Variants in PCDHB14 observed in about 807,000 individuals in gnomAD.
PCDHB14 encodes protocadherin beta-14.
For synonymous variants in PCDHB14, 511 were observed against 441.5 expected (o/e 1.16, Z -1.97); for missense variants, 1,129 against 1,000.5 (o/e 1.13, Z -1.73).
rs1754768427 is a variant in PCDHB14 at position 141,223,753 on chromosome 5, A to G, written c.248A>G (p.Asn83Ser). ...KYLHLDLLTG[N>S]LLLNEKLDRD... ...TTGCACCTTGATTTGCTGACTGGGA[A>G]TTTGCTCCTAAATGAGAAACTAGAC... The change falls in exon 1 of 1, where the codon AAT (asparagine) becomes AGT (serine). Residue 83 changes from asparagine to serine, a missense_variant. Asn to Ser is a conservative substitution (Grantham distance 46). Transcript: ENST00000239449. The G allele has an allele frequency of 6.2e-7, 1 of 1,613,896 alleles. No homozygotes were observed. The highest frequency in any genetic ancestry group is 1.3e-5 in the African/African-American group (1 of 74,844).
chr5:141,225,211 C>A lies in PCDHB14; in HGVS notation c.1706C>A (p.Ser569Tyr), dbSNP rs782769879. 47 of 1,606,078 alleles carry A rather than the reference C, an allele frequency of 2.9e-5. No homozygotes were observed. In the South Asian group the frequency reaches 5.0e-4, roughly 17 times the overall value. ...GTGCTGTACCCGCTGCAGAACGGCTCCGCGCCCTGCACCGAGCTGGTGCCC... is the reference window on the plus strand; with the variant it reads ...GTGCTGTACCCGCTGCAGAACGGCTACGCGCCCTGCACCGAGCTGGTGCCC... The part of the protein sequence containing the change: ...PFVLYPLQNG[S>Y]APCTELVPRA... Residue 569 changes from serine (S) to tyrosine (Y), a missense_variant, in exon 1 of 1, where the codon TCC becomes TAC. Transcript: ENST00000239449.
chr5:141,223,989 G>A lies in PCDHB14; in HGVS notation c.484G>A (p.Val162Ile). The A allele has an allele frequency of 1.2e-6, 2 of 1,613,488 alleles. No homozygotes were observed. Among genetic ancestry groups the A allele is most frequent in the Non-Finnish European group, 1.7e-6 (2 of 1,179,832 alleles). The change falls in exon 1 of 1, where the codon GTC becomes ATC. Residue 162 changes from valine (V) to isoleucine (I), a missense_variant. Coordinates refer to ENST00000239449, the MANE Select transcript of PCDHB14 (RefSeq NM_018934.4). ...FLMESAQDLD[V>I]GSNSLQNYTI... is the part of the protein sequence containing the mutation. ...AATGGAGAGTGCTCAAGATTTGGAT[G>A]TCGGAAGCAACAGTCTCCAAAACTA...
Position 141,225,262 on chromosome 5 carries a change from T to C in PCDHB14, c.1757T>C (p.Val586Ala). The C allele has an allele frequency of 6.3e-7, 1 of 1,599,162 alleles. No individual in the cohort carries two copies. The highest frequency in any genetic ancestry group is 8.5e-7 in the Non-Finnish European group (1 of 1,177,002). Residue 586 changes from valine to alanine, a missense_variant, in exon 1 of 1, where the codon GTG becomes GCG. Transcript: ENST00000239449. The stretch of plus-strand genomic sequence containing the variant: ...CGGGCGGCCGAGCCGGGCTACCTGG[T>C]GACCAAGGTGGTGGCGGTGGACGGC... ...VPRAAEPGYL[V>A]TKVVAVDGDS...
At position 141,225,233 on chromosome 5, in the gene PCDHB14, G is replaced by C; in HGVS notation, c.1728G>C (p.Val576=). The part of the protein sequence containing the change: ...QNGSAPCTEL[V]PRAAEPGYLV... ...GCTCCGCGCCCTGCACCGAGCTGGT[G>C]CCCCGGGCGGCCGAGCCGGGCTACC... The change falls in exon 1 of 1, where the codon GTG becomes GTC. Residue 576 remains valine (V), a synonymous_variant. Transcript: ENST00000239449. 2 of 1,601,158 alleles carry C rather than the reference G, an allele frequency of 1.2e-6. No individual in the cohort carries two copies. The highest frequency in any genetic ancestry group is 1.7e-6 in the Non-Finnish European group (2 of 1,177,258).
At position 141,224,203 on chromosome 5, in the gene PCDHB14, T is replaced by C. The variant is rs781850330; in HGVS notation, c.698T>C (p.Leu233Ser). Residue 233 changes from leucine (L) to serine (S), a missense_variant, in exon 1 of 1, where the codon TTG becomes TCG. Transcript: ENST00000239449. ...SGTTLVLIKV[L>S]DINDNAPEFP... is the part of the protein sequence containing the mutation. ...ACAACTTTGGTTCTCATCAAGGTGTTGGACATCAATGATAATGCCCCTGAG... is the reference window on the plus strand; with the variant it reads ...ACAACTTTGGTTCTCATCAAGGTGTCGGACATCAATGATAATGCCCCTGAG... The C allele has an allele frequency of 1.2e-6, 2 of 1,613,992 alleles. No homozygotes were observed. The highest frequency in any genetic ancestry group is 1.7e-6 in the Non-Finnish European group (2 of 1,179,944).
chr5:141,224,013 T>A lies in PCDHB14; in HGVS notation c.508T>A (p.Tyr170Asn), dbSNP rs782479300. 40 of 1,613,582 alleles carry A rather than the reference T, an allele frequency of 2.5e-5. No homozygotes were observed. Among genetic ancestry groups the A allele is most frequent in the Non-Finnish European group, 3.3e-5 (39 of 1,179,810 alleles). Residue 170 changes from tyrosine (Y) to asparagine (N), a missense_variant, in exon 1 of 1, where the codon TAC (tyrosine) becomes AAC (asparagine). Tyr to Asn is a moderately radical substitution (Grantham distance 143). Transcript: ENST00000239449. ...TGTCGGAAGCAACAGTCTCCAAAAC[T>A]ACACAATTAGCCCCAATTCTCACTT... ...LDVGSNSLQN[Y>N]TISPNSHFYI...
chr5:141,224,958 C>A lies in PCDHB14; in HGVS notation c.1453C>A (p.Gln485Lys). The A allele has an allele frequency of 6.2e-7, 1 of 1,612,674 alleles. No homozygotes were observed. The highest frequency in any genetic ancestry group is 8.5e-7 in the Non-Finnish European group (1 of 1,180,042). Residue 485 changes from glutamine to lysine, a missense_variant, in exon 1 of 1, where the codon CAG (glutamine) becomes AAG (lysine). Transcript: ENST00000239449. ...ATDRDSGTNAQVNYSLLPPQD... is the reference protein window; with the variant it reads ...ATDRDSGTNAKVNYSLLPPQD... ...AGACAGAGACTCAGGCACCAACGCC[C>A]AGGTCAACTACTCGCTGCTGCCGCC...
In PCDHB14 at chr5:141,225,172, A is replaced by G. The variant is rs782531307; in HGVS notation, c.1667A>G (p.Asp556Gly). 3.1e-5 allele frequency: 50 copies of G among 1,610,704 alleles called. No homozygotes were observed. The African/African-American group carries it at 6.0e-4, about 19-fold the overall frequency. ...CGCGTGCTGGTGCTGGACGCCAACG[A>G]CAACTCGCCCTTCGTGCTGTACCCG... ...LVRVLVLDAN[D>G]NSPFVLYPLQ... Residue 556 changes from aspartate to glycine, a missense_variant, in exon 1 of 1, where the codon GAC (aspartate) becomes GGC (glycine). Asp to Gly is a moderately conservative substitution (Grantham distance 94). Coordinates refer to ENST00000239449, the MANE Select transcript of PCDHB14 (RefSeq NM_018934.4).
Position 141,224,264 on chromosome 5 carries a change from G to A in PCDHB14, c.759G>A (p.Glu253=). 1 of 1,613,978 alleles carries A rather than the reference G, an allele frequency of 6.2e-7. No homozygotes were observed. Among genetic ancestry groups the A allele is most frequent in the Non-Finnish European group, 8.5e-7 (1 of 1,179,972 alleles). Residue 253 remains glutamate, a synonymous_variant, in exon 1 of 1, where the codon GAG becomes GAA. Coordinates refer to ENST00000239449, the MANE Select transcript of PCDHB14 (RefSeq NM_018934.4). The part of the protein sequence containing the change: ...PQSLYEVQVP[E]DRPLGSWIAT... ...GTCTCTATGAGGTGCAAGTCCCCGA[G>A]GACAGACCCCTTGGCTCCTGGATTG...
rs1280664338 is a variant in PCDHB14 at position 141,226,427 on chromosome 5, A to T, written c.*525A>T. 7 of 152,758 alleles carry T rather than the reference A, an allele frequency of 4.6e-5. No individual in the cohort carries two copies. The highest frequency in any genetic ancestry group is 1.7e-4 in the African/African-American group (7 of 41,436). 9.5% of individuals were successfully genotyped at this position (152,758 alleles called of 1,614,324 possible). A position where few individuals can be genotyped will look rare whatever the true frequency, so the allele number is the denominator to read the frequency against. ...TTTCAAATATTTACTTTATGATGAA[A>T]CTTAAGTGGTCACATTGGAAATTAT... On this transcript the variant is annotated 3_prime_UTR_variant, in exon 1 of 1. Transcript: ENST00000239449.
At position 141,224,757 on chromosome 5, in the gene PCDHB14, A is replaced by G. The variant is rs1554289230; in HGVS notation, c.1252A>G (p.Asn418Asp). Residue 418 changes from asparagine (N) to aspartate (D), a missense_variant, in exon 1 of 1, where the codon AAC becomes GAC. Physicochemically the swap from Asn to Asp is conservative, Grantham distance 23. Transcript: ENST00000239449. Reference protein sequence around the residue: ...ALDRESQAEYNITITVTDLGT... With the variant: ...ALDRESQAEYDITITVTDLGT... The stretch of plus-strand genomic sequence containing the variant: ...GGACAGAGAGAGCCAAGCCGAGTAC[A>G]ACATCACGATCACCGTCACAGACTT... 6.2e-7 allele frequency: 1 copy of G among 1,614,188 alleles called. No individual in the cohort carries two copies. Among genetic ancestry groups the G allele is most frequent in the African/African-American group, 1.3e-5 (1 of 75,052 alleles).
At position 141,224,318 on chromosome 5, in the gene PCDHB14, A is replaced by G; in HGVS notation, c.813A>G (p.Ala271=). 3 of 1,613,968 alleles carry G rather than the reference A, an allele frequency of 1.9e-6. No individual in the cohort carries two copies. In the South Asian group the frequency reaches 3.3e-5, roughly 18 times the overall value. ...CCATCTCAGCTAAGGATCTGGATGC[A>G]GGAAACTATGGAAAAATATCTTACA... ...IATISAKDLD[A]GNYGKISYTF... is the part of the protein sequence containing the mutation. Residue 271 remains alanine (A), a synonymous_variant, in exon 1 of 1, where the codon GCA becomes GCG. Transcript: ENST00000239449.
Position 141,224,970 on chromosome 5 carries a change from T to C in PCDHB14, c.1465T>C (p.Ser489Pro). 1.2e-6 allele frequency: 2 copies of C among 1,612,580 alleles called. No homozygotes were observed. The highest frequency in any genetic ancestry group is 1.3e-5 in the African/African-American group (1 of 75,012). Residue 489 changes from serine (S) to proline (P), a missense_variant, in exon 1 of 1, where the codon TCG becomes CCG. Ser to Pro is a moderately conservative substitution (Grantham distance 74, BLOSUM62 -1). Transcript: ENST00000239449. ...DSGTNAQVNYSLLPPQDRHLP... is the reference protein window; with the variant it reads ...DSGTNAQVNYPLLPPQDRHLP... Reference sequence around the variant, plus strand: ...AGGCACCAACGCCCAGGTCAACTACTCGCTGCTGCCGCCCCAGGACCGGCA... The same window carrying C: ...AGGCACCAACGCCCAGGTCAACTACCCGCTGCTGCCGCCCCAGGACCGGCA...
At position 141,225,185 on chromosome 5, in the gene PCDHB14, C is replaced by A. The variant is rs1211184066; in HGVS notation, c.1680C>A (p.Phe560Leu). 52 of 1,609,724 alleles carry A rather than the reference C, an allele frequency of 3.2e-5. No individual in the cohort carries two copies. In the Admixed American group the frequency reaches 8.2e-4, roughly 25 times the overall value. Residue 560 changes from phenylalanine to leucine, a missense_variant, in exon 1 of 1, where the codon TTC becomes TTA. Phe to Leu is a conservative substitution (Grantham distance 22). Transcript: ENST00000239449. ...LVLDANDNSP[F>L]VLYPLQNGSA... ...TGGACGCCAACGACAACTCGCCCTT[C>A]GTGCTGTACCCGCTGCAGAACGGCT...
At position 141,224,727 on chromosome 5, in the gene PCDHB14, G is replaced by A. The variant is rs782199149; in HGVS notation, c.1222G>A (p.Ala408Thr). Residue 408 changes from alanine (A) to threonine (T), a missense_variant, in exon 1 of 1, where the codon GCA becomes ACA. By Grantham distance (58) the Ala-to-Thr change is moderately conservative (BLOSUM62 0). Coordinates refer to ENST00000239449, the MANE Select transcript of PCDHB14 (RefSeq NM_018934.4). Reference sequence around the variant, plus strand: ...CTTTTTCACTCTAGTTTCTGAAAAAGCACTGGACAGAGAGAGCCAAGCCGA... The same window carrying A: ...CTTTTTCACTCTAGTTTCTGAAAAAACACTGGACAGAGAGAGCCAAGCCGA... ...KNFFTLVSEK[A>T]LDRESQAEYN... is the part of the protein sequence containing the mutation. 1.1e-5 allele frequency: 18 copies of A among 1,613,996 alleles called. No homozygotes were observed. In the South Asian group the frequency reaches 1.8e-4, roughly 16 times the overall value.
chr5:141,225,582 G>T lies in PCDHB14; in HGVS notation c.2077G>T (p.Ala693Ser). ...CTCCCTCACCGTCTACCTGGTGGTG[G>T]CATTGGCCTCGGTGTCGTCGCTCTT... ...ADSLTVYLVV[A>S]LASVSSLFLF... The change falls in exon 1 of 1, where the codon GCA becomes TCA. Residue 693 changes from alanine to serine, a missense_variant. By Grantham distance (99) the Ala-to-Ser change is moderately conservative. Coordinates refer to ENST00000239449, the MANE Select transcript of PCDHB14 (RefSeq NM_018934.4). 2 of 1,611,272 alleles carry T rather than the reference G, an allele frequency of 1.2e-6. No individual in the cohort carries two copies.
In PCDHB14 at chr5:141,224,089, T is replaced by G; in HGVS notation, c.584T>G (p.Val195Gly). The G allele has an allele frequency of 6.2e-7, 1 of 1,614,052 alleles. No individual in the cohort carries two copies. Among genetic ancestry groups the G allele is most frequent in the Admixed American group, 1.7e-5 (1 of 60,016 alleles). ...SSDRKIYPEL[V>G]LDRALDYEQE... ...GACAGAAAGATATACCCAGAGCTGG[T>G]CCTAGATAGAGCTTTAGATTATGAA... The change falls in exon 1 of 1, where the codon GTC becomes GGC. Residue 195 changes from valine (V) to glycine (G), a missense_variant. By Grantham distance (109) the Val-to-Gly change is moderately radical. Coordinates refer to ENST00000239449, the MANE Select transcript of PCDHB14 (RefSeq NM_018934.4).
rs983854719 is a variant in PCDHB14 at position 141,223,889 on chromosome 5, T to A, written c.384T>A (p.Asp128Glu). The A allele has an allele frequency of 3.1e-6, 5 of 1,613,200 alleles. No homozygotes were observed. In the African/African-American group the frequency reaches 4.0e-5, roughly 13 times the overall value. ...AGCTGTGTGTCAAAGACATAAATGATCACTCCCCTACATTTCTAGACAAGG... is the reference window on the plus strand; with the variant it reads ...AGCTGTGTGTCAAAGACATAAATGAACACTCCCCTACATTTCTAGACAAGG... ...RFELCVKDIN[D>E]HSPTFLDKEI... The change falls in exon 1 of 1, where the codon GAT (aspartate) becomes GAA (glutamate). Residue 128 changes from aspartate to glutamate, a missense_variant. Transcript: ENST00000239449.
In PCDHB14 at chr5:141,225,679, G is replaced by A. The variant is rs543918108; in HGVS notation, c.2174G>A (p.Cys725Tyr). The A allele has an allele frequency of 1.9e-5, 31 of 1,613,990 alleles. No individual in the cohort carries two copies. The East Asian group carries it at 3.6e-4, about 19-fold the overall frequency. ...AGCAGGGCGGCCTCGGTGGGTCGCTGCTCGGTGCCCGAGGGTCCCTTTCCA... is the reference window on the plus strand; with the variant it reads ...AGCAGGGCGGCCTCGGTGGGTCGCTACTCGGTGCCCGAGGGTCCCTTTCCA... ...RRSRAASVGR[C>Y]SVPEGPFPGH... is the part of the protein sequence containing the mutation. The change falls in exon 1 of 1, where the codon TGC (cysteine) becomes TAC (tyrosine). Residue 725 changes from cysteine to tyrosine, a missense_variant. By Grantham distance (194) the Cys-to-Tyr change is radical (BLOSUM62 -2). Coordinates refer to ENST00000239449, the MANE Select transcript of PCDHB14 (RefSeq NM_018934.4).
Sources: allele counts gnomAD v4.1 joint callset, GRCh38; gene constraint gnomAD v4.1.1; transcripts MANE v1.5; gene names NCBI Gene and HGNC (gene_info 2026-07-23, HGNC 2026-07-21).